CNTNAP2: variants seen among roughly 807,000 people sequenced by gnomAD.
CNTNAP2 encodes the protein contactin associated protein 2, also known as contactin-associated protein-like 2.
Under a neutral mutation model 155.2 loss-of-function variants are expected in CNTNAP2, and 98 were observed. That is an observed-to-expected ratio of 0.63 (90% CI 0.54 to 0.75). The LOEUF (loss-of-function observed/expected upper bound fraction) is 0.75, where lower values mean the gene tolerates loss of function less well. CNTNAP2 is among the 30% of genes least tolerant of loss of function. The pLI, the probability that CNTNAP2 is intolerant of heterozygous loss-of-function variation, is 0.00. For synonymous variants in CNTNAP2, 651 were observed against 631.2 expected (o/e 1.03, Z -0.47); for missense variants, 1,727 against 1,688.1 (o/e 1.02, Z -0.40).
intron 3 of CNTNAP2, among the ~76,000 whole-genome samples, chr7:146,991,678 C>A (rs534035260): frequency 6.6e-6 from 1 of 152,048 alleles, no homozygotes; most frequent in Non-Finnish European, 1.5e-5. Flanking sequence ...AAAGAAAGTG[C>A]AACATAATGG....
At chr7:148,059,603 A>AAG (rs1585103130) in intron 15 of CNTNAP2, among the ~76,000 whole-genome samples, 2 of 150,738 alleles carry the variant, frequency 1.3e-5, no homozygotes, top group East Asian at 1.9e-4. Context: ...AAAAAAAAAA[A>AAG]AAAAGAAAGA....
chr7:147,764,597 G>T (rs1257443863), intron 13 of CNTNAP2, among the ~76,000 whole-genome samples: 2 of 152,120 alleles, frequency 1.3e-5, no homozygotes, highest in East Asian at 3.9e-4. Context: ...AATTCAAAAG[G>T]TTGAATGTAG....
chr7:147,183,866 T>C (rs533657229), intron 8 of CNTNAP2, among the ~76,000 whole-genome samples: 1 of 152,294 alleles, frequency 6.6e-6, no homozygotes, highest in East Asian at 1.9e-4. Flanking sequence ...AACATGGTAC[T>C]TGCCCAGTAA....
chr7:148,273,696 G>T (rs139861553), intron 21 of CNTNAP2, among the ~76,000 whole-genome samples: 1 of 152,250 alleles, frequency 6.6e-6, no homozygotes, highest in African/African-American at 2.4e-5. Flanking sequence ...GTTGTCAGTG[G>T]CGATGTCTGG....
intron 1 of CNTNAP2, among the ~76,000 whole-genome samples, chr7:146,437,610 G>T (rs1299621112): frequency 6.6e-6 from 1 of 151,408 alleles, no homozygotes; most frequent in East Asian, 1.9e-4. Context: ...TTCTCAATTT[G>T]TGCTTCATTG....
At chr7:147,363,705 T>C (rs1410516610) in intron 9 of CNTNAP2, among the ~76,000 whole-genome samples, 1 of 152,228 alleles carries the variant, frequency 6.6e-6, no homozygotes, top group Non-Finnish European at 1.5e-5. Context: ...ATGTTTTCTA[T>C]TAACTTCTCA....
intron 15 of CNTNAP2, among the ~76,000 whole-genome samples, chr7:148,104,695 G>A (rs117640509): frequency 1.1e-3 from 162 of 152,310 alleles, no homozygotes; most frequent in Middle Eastern, 6.8e-3. Flanking sequence ...CAGAAGTGAC[G>A]TTCACAGGGC....
rs1798048377 is a variant in CNTNAP2 at position 146,547,670 on chromosome 7, T to C, written c.98-226601T>C. On this transcript the variant is annotated intron_variant, in intron 1 of 23. Coordinates refer to ENST00000361727, the MANE Select transcript of CNTNAP2 (RefSeq NM_014141.6). ...ATTGCAGAATTTTCTTTATTTTAAA[T>C]CCGGATAGTATTCCACTGTCTGTGT... Among the ~76,000 whole-genome samples the C allele has an allele frequency of 2.0e-5, 3 of 151,962 alleles. No homozygotes were observed. In the South Asian group the frequency reaches 6.2e-4, roughly 31 times the overall value.
chr7:147,535,643 A>G (rs1257393569), intron 11 of CNTNAP2, among the ~76,000 whole-genome samples: 1 of 152,058 alleles, frequency 6.6e-6, no homozygotes, highest in Non-Finnish European at 1.5e-5. Context: ...ATGGAGATAA[A>G]TGTTTTGGAA....
At chr7:148,295,738 G>A (rs1368541941) in intron 21 of CNTNAP2, among the ~76,000 whole-genome samples, 1 of 151,928 alleles carries the variant, frequency 6.6e-6, no homozygotes, top group Non-Finnish European at 1.5e-5. Flanking sequence ...TGATCCATCC[G>A]CCTCGGCCTC....
rs200376331 is a variant in CNTNAP2 at position 147,516,234 on chromosome 7, C to CT, written c.1777+30201dup. Among the ~76,000 whole-genome samples the CT allele has an allele frequency of 4.0e-3, 614 of 151,972 alleles. 3 individuals are homozygous for CT. The highest frequency in any genetic ancestry group is 0.013 in the African/African-American group (555 of 41,480). On this transcript the variant is annotated intron_variant, in intron 11 of 23. Coordinates refer to ENST00000361727, the MANE Select transcript of CNTNAP2 (RefSeq NM_014141.6). ...GTCTATTGCTAATTATATATTTGTA[C>CT]TTTTTTTTACAGCTACTCATGTGTA...
intron 1 of CNTNAP2, among the ~76,000 whole-genome samples, chr7:146,241,313 C>G (rs28481814): frequency 0.13 from 19,288 of 152,148 alleles, 3,467 homozygotes; most frequent in African/African-American, 0.4. Flanking sequence ...GAAACAAAAG[C>G]TTTCATACAG....
chr7:147,044,445 A>G (rs1035781611), intron 4 of CNTNAP2, among the ~76,000 whole-genome samples: 1 of 152,156 alleles, frequency 6.6e-6, no homozygotes, highest in Admixed American at 6.5e-5. Flanking sequence ...ATGGGTTTTG[A>G]AAACATTTCG....
intron 3 of CNTNAP2, among the ~76,000 whole-genome samples, chr7:146,940,693 A>G (rs1370578250): frequency 1.5e-5 from 2 of 134,346 alleles, no homozygotes; most frequent in Non-Finnish European, 3.4e-5. Flanking sequence ...AAATATATAT[A>G]TATACACACA....
intron 9 of CNTNAP2, among the ~76,000 whole-genome samples, chr7:147,325,323 A>C (rs2116829305): frequency 6.6e-6 from 1 of 152,292 alleles, no homozygotes; most frequent in East Asian, 1.9e-4. Flanking sequence ...CAACAACAAC[A>C]AAAATTAGAG....
intron 1 of CNTNAP2, among the ~76,000 whole-genome samples, chr7:146,641,900 A>C (rs1372273835): frequency 6.6e-6 from 1 of 152,172 alleles, no homozygotes; most frequent in African/African-American, 2.4e-5. Context: ...TTGTGAAGAC[A>C]AAAATTGTTC....
chr7:148,099,896 G>A (rs1322290151), intron 15 of CNTNAP2, among the ~76,000 whole-genome samples: 10 of 117,542 alleles, frequency 8.5e-5, no homozygotes, highest in East Asian at 7.1e-4. Flanking sequence ...TTTTTGAGAC[G>A]GAGTCTCACT....
chr7:148,283,255 A>AGAAAAGAAAAAG (rs1277840999), intron 21 of CNTNAP2, among the ~76,000 whole-genome samples: 1 of 63,630 alleles, frequency 1.6e-5, no homozygotes, highest in East Asian at 6.0e-4. Flanking sequence ...AAAAAAAAAA[A>AGAAAAGAAAAAG]AAAGAAAGAA....
chr7:147,637,365 T>C (rs896078993), intron 12 of CNTNAP2, among the ~76,000 whole-genome samples: 1 of 152,092 alleles, frequency 6.6e-6, no homozygotes, highest in Non-Finnish European at 1.5e-5. Context: ...AGAGGATTCA[T>C]GGGCAGGCTT....
Sources: allele counts gnomAD v4.1 joint callset (sites outside exome capture counted in the v4.1 genomes callset), GRCh38; gene constraint gnomAD v4.1.1; transcripts MANE v1.5; gene names NCBI Gene and HGNC (gene_info 2026-07-23, HGNC 2026-07-21).